The following KHDRBS1 variants were observed in gnomAD, a reference collection of about 807,000 sequenced individuals.
KHDRBS1 encodes KH RNA binding domain containing, signal transduction associated 1, also known as KH domain-containing, RNA-binding, signal transduction-associated protein 1.
KHDRBS1 carries 7 observed loss-of-function variants against 48.4 expected under a neutral mutation model. That is an observed-to-expected ratio of 0.14 (90% confidence interval 0.08 to 0.27). The LOEUF (loss-of-function observed/expected upper bound fraction) is 0.27. Ranked by LOEUF, KHDRBS1 falls within the 10% of genes least tolerant of loss-of-function variation. KHDRBS1 has a pLI of 1.00. For synonymous variants in KHDRBS1, 241 were observed against 235.8 expected, an observed-to-expected ratio of 1.02 and a Z score of -0.20; for missense variants, 458 against 601.2, an observed-to-expected ratio of 0.76 and a Z score of 2.49.
At chr1:32,037,792 T>G in intron 5 of KHDRBS1, 43 bp from the exon 6 acceptor site, 7 of 1,596,466 alleles carry the variant, frequency 4.4e-6, no homozygotes, top group Non-Finnish European at 5.1e-6. Flanking sequence ...AAAAGTGGCC[T>G]GTTTATAAAA....
At chr1:32,059,299 G>A (rs1202592332) in intron 10 of KHDRBS1, among the ~76,000 whole-genome samples, 1 of 151,950 alleles carries the variant, frequency 6.6e-6, no homozygotes, top group African/African-American at 2.4e-5. Context: ...AGGCATGGTG[G>A]CTCACACCTA....
chr1:32,059,286 G>A (rs1202002932), intron 10 of KHDRBS1, among the ~76,000 whole-genome samples: 1 of 151,944 alleles, frequency 6.6e-6, no homozygotes, highest in East Asian at 1.9e-4. Flanking sequence ...GGAAGCACTG[G>A]CCAGGCATGG....
At chr1:32,033,472 T>C (rs16834833) in intron 4 of KHDRBS1, 138 bp downstream of exon 4, 14 of 1,178,400 alleles carry the variant, frequency 1.2e-5, no homozygotes, top group African/African-American at 7.7e-5. Flanking sequence ...TCATTTTCCT[T>C]AGGTAGTTCG....
intron 10 of KHDRBS1, among the ~76,000 whole-genome samples, chr1:32,049,424 CTT>C (rs200632932): frequency 1.3e-4 from 18 of 140,832 alleles, no homozygotes; most frequent in East Asian, 2.1e-4. Context: ...CTACTTTGTT[CTT>C]TTTTTTTTTT....
intron 1 of KHDRBS1, among the ~76,000 whole-genome samples, chr1:32,019,181 A>G (rs912818671): frequency 1.3e-5 from 2 of 152,386 alleles, no homozygotes; most frequent in Non-Finnish European, 2.9e-5. Context: ...CACTTGATTC[A>G]TGAAATGGTG....
rs2124392132 is a variant in KHDRBS1 at position 32,043,183 on chromosome 1, TTTA to T, written c.*561_*563del. On this transcript the variant is annotated 3_prime_UTR_variant, in exon 9 of 9. Coordinates refer to ENST00000327300, the MANE Select transcript of KHDRBS1 (RefSeq NM_006559.3). ...TCAGACGTCTCTAAAAAATGTTTCC[TTTA>T]TAAAAGCACATGGCGGTTGAATCTT... 1 of 152,694 alleles carries T rather than the reference TTTA, an allele frequency of 6.5e-6. No homozygotes were observed. Among genetic ancestry groups the T allele is most frequent in the South Asian group, 2.1e-4 (1 of 4,832 alleles). 9.5% of individuals were successfully genotyped at this position (152,694 alleles called of 1,614,324 possible).
intron 1 of KHDRBS1, among the ~76,000 whole-genome samples, chr1:32,014,602 T>TA (rs1412205955): frequency 6.6e-6 from 1 of 152,210 alleles, no homozygotes; most frequent in Non-Finnish European, 1.5e-5. Context: ...TGCGATCCCC[T>TA]AGCGCTAATG....
intron 7 of KHDRBS1, 98 bp from the exon 8 acceptor site, chr1:32,039,417 A>T (rs1639242002): frequency 1.3e-6 from 1 of 756,516 alleles, no homozygotes; most frequent in Non-Finnish European, 2.4e-6. Flanking sequence ...TTCCTGTATT[A>T]ATACACTTAG....
intron 5 of KHDRBS1, 133 bp downstream of exon 5, chr1:32,037,176 A>G: frequency 1.0e-6 from 1 of 972,560 alleles, no homozygotes; most frequent in South Asian, 1.7e-5. Context: ...AGAATTCTAC[A>G]ACCATACTCT....
chr1:32,024,097 C>G (rs1228651313), intron 1 of KHDRBS1, among the ~76,000 whole-genome samples: 1 of 152,032 alleles, frequency 6.6e-6, no homozygotes, highest in African/African-American at 2.4e-5. Context: ...ACTAAAAATA[C>G]AAAATTTAGC....
Position 32,033,237 on chromosome 1 carries a change from T to C in KHDRBS1, c.674T>C (p.Met225Thr), listed in dbSNP as rs1367396015. The C allele has an allele frequency of 7.4e-6, 12 of 1,614,062 alleles. No individual in the cohort carries two copies. Among genetic ancestry groups the C allele is most frequent in the Admixed American group, 1.7e-5 (1 of 60,006 alleles). The change falls in exon 4 of 9, where the codon ATG becomes ACG. Residue 225 changes from methionine to threonine, a missense_variant. Met to Thr is a moderately conservative substitution (Grantham distance 81). Around this residue, in one of 3 missense-constraint regions of KHDRBS1, gnomAD observed 74 missense variants for 156.9 expected, o/e 0.47. Coordinates refer to ENST00000327300, the MANE Select transcript of KHDRBS1 (RefSeq NM_006559.3). ...GACCCCAAATATGCCCACTTGAATA[T>C]GGATCTGCATGTCTTCATTGAAGTC... The part of the protein sequence containing the change: ...GGDPKYAHLN[M>T]DLHVFIEVFG...
chr1:32,059,622 GAT>G (rs1639522063), intron 10 of KHDRBS1, among the ~76,000 whole-genome samples: 2 of 152,008 alleles, frequency 1.3e-5, no homozygotes, highest in Non-Finnish European at 2.9e-5. Context: ...CTGTGCCGCA[GAT>G]TTAAGATGCG....
At chr1:32,056,856 GAC>G (rs1639484291) in intron 10 of KHDRBS1, among the ~76,000 whole-genome samples, 1 of 152,182 alleles carries the variant, frequency 6.6e-6, no homozygotes, top group Non-Finnish European at 1.5e-5. Flanking sequence ...CTATGTGCTA[GAC>G]ACTGGGGATC....
intron 8 of KHDRBS1, among the ~76,000 whole-genome samples, chr1:32,041,088 G>A (rs1343731503): frequency 6.6e-6 from 1 of 152,166 alleles, no homozygotes; most frequent in Admixed American, 6.5e-5. Flanking sequence ...GAAAGAGGCA[G>A]GCTTCTCTTT....
downstream of KHDRBS1, among the ~76,000 whole-genome samples, chr1:32,047,692 T>C (rs1639373323): frequency 6.6e-6 from 1 of 152,222 alleles, no homozygotes; most frequent in Non-Finnish European, 1.5e-5. Flanking sequence ...CTACCTTTGT[T>C]TCTGTTTTGA....
Position 32,030,338 on chromosome 1 carries a change from T to C in KHDRBS1, c.423T>C (p.Asp141=). 3 of 1,611,462 alleles carry C rather than the reference T, an allele frequency of 1.9e-6. No individual in the cohort carries two copies. The highest frequency in any genetic ancestry group is 2.5e-6 in the Non-Finnish European group (3 of 1,178,168). ...KIQKGDSKKD[D]EENYLDLFSH... is the part of the protein sequence containing the mutation. ...AGAAAGGAGACTCAAAAAAGGATGA[T>C]GAGGAGAATTACTTGGATTTATTTT... Residue 141 remains aspartate, a synonymous_variant, in exon 2 of 9, where the codon GAT becomes GAC. Transcript: ENST00000327300.
At chr1:32,029,929 G>A (rs1459730790) in intron 1 of KHDRBS1, among the ~76,000 whole-genome samples, 1 of 151,848 alleles carries the variant, frequency 6.6e-6, no homozygotes, top group African/African-American at 2.4e-5. Flanking sequence ...ATTTACTTTT[G>A]TTTTTTTCAA....
rs750816164 is a variant in KHDRBS1, at chr1:32,014,062, C to T, written c.67C>T (p.Pro23Ser). ...TTCGGGCCGTAGCGGCTCCATGGACCCCTCCGGTGCCCACCCCTCGGTGCG... is the reference window on the plus strand; with the variant it reads ...TTCGGGCCGTAGCGGCTCCATGGACTCCTCCGGTGCCCACCCCTCGGTGCG... ...RSSGRSGSMDPSGAHPSVRQT... is the reference protein window; with the variant it reads ...RSSGRSGSMDSSGAHPSVRQT... Residue 23 changes from proline (P) to serine (S), a missense_variant, in exon 1 of 9, where the codon CCC (proline) becomes TCC (serine). Physicochemically the swap from Pro to Ser is moderately conservative, Grantham distance 74 (BLOSUM62 -1). Coordinates refer to ENST00000327300, the MANE Select transcript of KHDRBS1 (RefSeq NM_006559.3). 30 of 1,498,584 alleles carry T rather than the reference C, an allele frequency of 2.0e-5. No homozygotes were observed. The highest frequency in any genetic ancestry group is 2.3e-5 in the Non-Finnish European group (26 of 1,133,050). The allele number at this position is 1,498,584 out of a possible 1,614,324, so 92.8% of individuals were successfully genotyped here.
intron 1 of KHDRBS1, among the ~76,000 whole-genome samples, chr1:32,019,710 T>A (rs1171817658): frequency 2.0e-5 from 3 of 152,188 alleles, no homozygotes; most frequent in Admixed American, 6.5e-5. Flanking sequence ...CAAAGCCTAG[T>A]AAGATAAAGC....
Sources: gnomAD v4.1 joint callset for allele counts (sites outside exome capture counted in the v4.1 genomes callset) on GRCh38, gnomAD v4.1.1 for gene constraint, gnomAD v4.1.1 regional missense constraint, MANE v1.5 for transcripts, NCBI Gene and HGNC (gene_info 2026-07-23, HGNC 2026-07-21) for gene names.